GPHN: variants seen among roughly 807,000 people sequenced by gnomAD.
GPHN encodes the protein gephyrin.
Under a neutral mutation model 95.5 loss-of-function variants are expected in GPHN, and 17 were observed. The observed-to-expected ratio is 0.18, with a 90% CI of 0.12 to 0.27. The LOEUF (loss-of-function observed/expected upper bound fraction) is 0.27, where lower values mean the gene tolerates loss of function less well. Among genes scored for constraint, GPHN ranks in the 10% least tolerant of loss-of-function variants. The probability of loss-of-function intolerance (pLI) is 1.00; values close to 1 mark genes in which losing one functional copy is unlikely to be tolerated. For synonymous variants in GPHN, 320 were observed against 322.5 expected (o/e 0.99, Z 0.08); for missense variants, 660 against 978.1 (o/e 0.67, Z 4.34).
the GPHN span, chr14:67,279,321 C>T: frequency 3.7e-6 from 6 of 1,613,514 alleles, no homozygotes; most frequent in Non-Finnish European, 4.2e-6. Flanking sequence ...GATGCCAATA[C>T]GTCGAAGTGC....
chr14:66,564,447 A>C (rs1367818646), intron 1 of GPHN, among the ~76,000 whole-genome samples: 1 of 152,162 alleles, frequency 6.6e-6, no homozygotes, highest in Non-Finnish European at 1.5e-5. Flanking sequence ...TTTACTTAGA[A>C]TGACTAAAAC....
chr14:67,204,205 G>A, the GPHN span, among the ~76,000 whole-genome samples: 1 of 152,154 alleles, frequency 6.6e-6, no homozygotes, highest in African/African-American at 2.4e-5. Context: ...GGGAAGCCAA[G>A]GCAGGTGAAT....
the GPHN span, chr14:67,397,834 CA>C: frequency 4.4e-6 from 7 of 1,603,408 alleles, no homozygotes; most frequent in East Asian, 1.6e-4. Context: ...GCCCTATGGA[CA>C]GACAAGAAAG....
At chr14:66,891,293 C>G (rs2064487141) in intron 5 of GPHN, among the ~76,000 whole-genome samples, 1 of 151,800 alleles carries the variant, frequency 6.6e-6, no homozygotes, top group Non-Finnish European at 1.5e-5. Flanking sequence ...AATAAACTAT[C>G]CAAAATAAAA....
At chr14:66,665,995 G>C (rs957687612) in intron 1 of GPHN, among the ~76,000 whole-genome samples, 1 of 150,644 alleles carries the variant, frequency 6.6e-6, no homozygotes, top group African/African-American at 2.4e-5. Context: ...GTAAACTATC[G>C]CAAGGACAAA....
chr14:66,936,142 G>C (rs2067122510), intron 8 of GPHN, among the ~76,000 whole-genome samples: 1 of 152,178 alleles, frequency 6.6e-6, no homozygotes, highest in Non-Finnish European at 1.5e-5. Context: ...ACTTTGGAAG[G>C]CTGAGGTGGG....
intron 2 of GPHN, among the ~76,000 whole-genome samples, chr14:66,683,420 A>G (rs568446769): frequency 1.6e-5 from 2 of 127,386 alleles, no homozygotes; most frequent in South Asian, 2.6e-4. Context: ...GTTCATATAT[A>G]TATATTCATA....
intron 13 of GPHN, among the ~76,000 whole-genome samples, chr14:67,103,671 T>C (rs2077865341): frequency 6.6e-6 from 1 of 151,966 alleles, no homozygotes; most frequent in African/African-American, 2.4e-5. Flanking sequence ...TTTCTTTCTC[T>C]GCTAGTTTGT....
chr14:67,649,798 T>C, the GPHN span: 1 of 152,222 alleles, frequency 6.6e-6, no homozygotes, highest in East Asian at 1.9e-4. Flanking sequence ...TTTCCAGACT[T>C]TATGGCCACC....
the GPHN span, among the ~76,000 whole-genome samples, chr14:67,357,710 T>G: frequency 9.7e-3 from 1,477 of 152,342 alleles, 73 homozygotes; most frequent in Admixed American, 0.089. Flanking sequence ...TTCTCATTTG[T>G]GCAGAGGTGA....
the GPHN span, chr14:67,645,592 G>T: frequency 6.3e-7 from 1 of 1,578,734 alleles, no homozygotes; most frequent in South Asian, 1.2e-5. Flanking sequence ...GTTTGTTATC[G>T]GTCATGTTTG....
intron 8 of GPHN, among the ~76,000 whole-genome samples, chr14:66,963,644 T>C (rs995554989): frequency 1.3e-5 from 2 of 152,126 alleles, no homozygotes; most frequent in Non-Finnish European, 2.9e-5. Flanking sequence ...AATTAGACTT[T>C]ATTTCTTGGA....
At chr14:66,800,278 G>A (rs1033907273) in intron 3 of GPHN, among the ~76,000 whole-genome samples, 3 of 151,958 alleles carry the variant, frequency 2.0e-5, no homozygotes, top group African/African-American at 7.2e-5. Flanking sequence ...GTATTTTTCT[G>A]TGTACTTACT....
chr14:67,019,225 A>G (rs2073472782), intron 9 of GPHN, among the ~76,000 whole-genome samples: 1 of 152,198 alleles, frequency 6.6e-6, no homozygotes, highest in Admixed American at 6.6e-5. Context: ...TTAACAATGT[A>G]AAAAGATTAA....
chr14:67,692,588 G>C, the GPHN span: 1 of 1,570,902 alleles, frequency 6.4e-7, no homozygotes, highest in Non-Finnish European at 8.6e-7. Context: ...AAATATACTC[G>C]AGCTCCTGTC....
At chr14:66,960,738 A>G (rs1361952657) in intron 8 of GPHN, among the ~76,000 whole-genome samples, 1 of 152,090 alleles carries the variant, frequency 6.6e-6, no homozygotes, top group Admixed American at 6.6e-5. Flanking sequence ...TAGAGTCTCA[A>G]ATTTATCCAC....
At chr14:66,989,823 A>G (rs1477129747) in intron 9 of GPHN, among the ~76,000 whole-genome samples, 1 of 152,160 alleles carries the variant, frequency 6.6e-6, no homozygotes, top group East Asian at 1.9e-4. Context: ...TTAAAAATTG[A>G]TGCTAAAAAG....
At chr14:66,550,859 G>T (rs1403481471) in intron 1 of GPHN, among the ~76,000 whole-genome samples, 40 of 150,870 alleles carry the variant, frequency 2.7e-4, no homozygotes, top group Admixed American at 1.9e-3. Flanking sequence ...TTTTTTTGTT[G>T]TTGTTGTTTT....
intron 2 of GPHN, among the ~76,000 whole-genome samples, chr14:66,719,299 A>G: frequency 6.6e-6 from 1 of 152,204 alleles, no homozygotes; most frequent in East Asian, 1.9e-4. Context: ...CAGAAAGCTC[A>G]CAGGACTTTT....
Sources: allele counts gnomAD v4.1 joint callset (sites outside exome capture counted in the v4.1 genomes callset), GRCh38; gene constraint gnomAD v4.1.1; transcripts MANE v1.5; gene names NCBI Gene and HGNC (gene_info 2026-07-23, HGNC 2026-07-21).